GRK5: variants seen among roughly 807,000 people sequenced by gnomAD.
GRK5 encodes the protein G protein-coupled receptor kinase 5, also known as g protein-coupled receptor kinase GRK5.
Under a neutral mutation model 78.4 loss-of-function variants are expected in GRK5, and 40 were observed. The ratio of observed to expected loss-of-function variants is 0.51; its 90% CI spans 0.40 to 0.66. GRK5 has a LOEUF of 0.66. GRK5 is among the 30% of genes least tolerant of loss of function. GRK5 has a pLI of 0.00. For missense variants in GRK5, 598 were observed against 759.9 expected (o/e 0.79, Z 2.50); for synonymous variants, 289 against 296.8 (o/e 0.97, Z 0.27).
chr10:119,254,779 G>A (rs961637232), intron 1 of GRK5, among the ~76,000 whole-genome samples: 19 of 152,236 alleles, frequency 1.2e-4, no homozygotes, highest in Non-Finnish European at 2.1e-4. Context: ...AACAGGCCGG[G>A]CACGGTGGCT....
chr10:119,380,321 G>A (rs936462475), intron 2 of GRK5, among the ~76,000 whole-genome samples: 10 of 152,016 alleles, frequency 6.6e-5, no homozygotes, highest in African/African-American at 1.9e-4. Context: ...CATCCTCATC[G>A]CGGCTTTTCT....
At chr10:119,448,399 C>T (rs556645388) in intron 13 of GRK5, 139 bp downstream of exon 13, 1 of 945,616 alleles carries the variant, frequency 1.1e-6, no homozygotes, top group South Asian at 1.9e-5. Flanking sequence ...CTCCCGGCCA[C>T]TCCTCACCTA....
In GRK5 at chr10:119,267,940, C is replaced by G. The variant is rs933016970; in HGVS notation, c.53-58576C>G. Among the ~76,000 whole-genome samples the G allele has an allele frequency of 1.3e-5, 2 of 152,148 alleles. No homozygotes were observed. Among genetic ancestry groups the G allele is most frequent in the African/African-American group, 4.8e-5 (2 of 41,438 alleles). On this transcript the variant is annotated intron_variant, in intron 1 of 15. Coordinates refer to ENST00000392870, the MANE Select transcript of GRK5 (RefSeq NM_005308.3). The surrounding 1 kb of genome is among the most constrained non-coding windows in gnomAD (Gnocchi z 4.1). ...GGTCCCCTGAGGAGAAGGACAAAAGCAGACAATTCCTGAGGACAAGAGGAA... is the reference window on the plus strand; with the variant it reads ...GGTCCCCTGAGGAGAAGGACAAAAGGAGACAATTCCTGAGGACAAGAGGAA...
intron 4 of GRK5, among the ~76,000 whole-genome samples, chr10:119,405,552 T>C (rs1852223237): frequency 6.6e-6 from 1 of 152,100 alleles, no homozygotes; most frequent in Admixed American, 6.6e-5. Context: ...AATTCCCTCC[T>C]CTGGCTCCCC....
At chr10:119,265,039 C>G (rs774201119) in intron 1 of GRK5, among the ~76,000 whole-genome samples, 3 of 152,236 alleles carry the variant, frequency 2.0e-5, no homozygotes, top group African/African-American at 7.2e-5. Context: ...TTTGGACAGG[C>G]AGCAGCCTTG....
At chr10:119,248,744 C>T (rs1216381877) in intron 1 of GRK5, among the ~76,000 whole-genome samples, 4 of 151,766 alleles carry the variant, frequency 2.6e-5, no homozygotes, top group East Asian at 1.9e-4. Context: ...TATATGAAAA[C>T]GGTGTGAAAT....
Position 119,231,639 on chromosome 10 carries a change from G to A in GRK5, c.52+23670G>A, listed in dbSNP as rs538474844. Among the ~76,000 whole-genome samples, 446 of 151,356 alleles carry A rather than the reference G, an allele frequency of 2.9e-3. 3 individuals are homozygous for A. Among genetic ancestry groups the A allele is most frequent in the African/African-American group, 1.0e-2 (411 of 41,232 alleles). On this transcript the variant is annotated intron_variant, in intron 1 of 15. Coordinates refer to ENST00000392870, the MANE Select transcript of GRK5 (RefSeq NM_005308.3). The stretch of plus-strand genomic sequence containing the variant: ...GGAGAATCGCTTGAACCTGGGAGGC[G>A]GAGGTTGCAGTGAGCCGAGATCGTG...
intron 13 of GRK5, among the ~76,000 whole-genome samples, chr10:119,448,581 C>G (rs1397278549): frequency 6.6e-6 from 1 of 152,238 alleles, no homozygotes; most frequent in Non-Finnish European, 1.5e-5. Context: ...ATGCCTCCCA[C>G]CTGCCTGGGA....
intron 2 of GRK5, among the ~76,000 whole-genome samples, chr10:119,371,334 G>A (rs922943881): frequency 3.9e-5 from 6 of 152,172 alleles, no homozygotes; most frequent in East Asian, 3.8e-4. Context: ...CTGTGTCCTC[G>A]CCACCTCCTA....
At chr10:119,339,688 TTCAAGA>T (rs1200403740) in intron 2 of GRK5, among the ~76,000 whole-genome samples, 39 of 151,654 alleles carry the variant, frequency 2.6e-4, no homozygotes, top group African/African-American at 9.4e-4. Flanking sequence ...GAGCTCAGAG[TTCAAGA>T]TCAGCCTGGG....
In GRK5 at chr10:119,430,540, G is replaced by A; in HGVS notation, c.597+102G>A. On this transcript the variant is annotated intron_variant, in intron 7 of 15. Coordinates refer to ENST00000392870, the MANE Select transcript of GRK5 (RefSeq NM_005308.3). This position sits in a 1 kb window ranked among gnomAD's most constrained non-coding sequence, Gnocchi z 4.5. ...AAGGGTTGGCCCACGGGTCCCCCGG[G>A]GGCACCAGTGGCTCAATGTGGGCCC... The A allele has an allele frequency of 2.0e-6, 2 of 1,018,562 alleles. No individual in the cohort carries two copies. Among genetic ancestry groups the A allele is most frequent in the South Asian group, 3.0e-5 (2 of 67,720 alleles). The allele number at this position is 1,018,562 out of a possible 1,614,324, so 63.1% of individuals were successfully genotyped here.
chr10:119,269,008 C>T (rs1849544990), intron 1 of GRK5, among the ~76,000 whole-genome samples: 2 of 152,246 alleles, frequency 1.3e-5, no homozygotes, highest in Non-Finnish European at 2.9e-5. Flanking sequence ...TTCCCATGGG[C>T]TTCCTGTCAC....
intron 6 of GRK5, among the ~76,000 whole-genome samples, chr10:119,427,383 CCAT>C (rs1852711481): frequency 6.6e-6 from 1 of 151,774 alleles, no homozygotes; most frequent in Admixed American, 6.6e-5. Context: ...AGCATCACCA[CCAT>C]CATCAGCATC....
At chr10:119,443,403 C>G (rs1052932278) in intron 11 of GRK5, 141 bp from the exon 12 acceptor site, 10 of 695,234 alleles carry the variant, frequency 1.4e-5, no homozygotes, top group African/African-American at 1.4e-4. Context: ...GTCATCAGGG[C>G]AAGCTCCCTG....
At chr10:119,323,600 C>A (rs1850623608) in intron 1 of GRK5, among the ~76,000 whole-genome samples, 1 of 152,196 alleles carries the variant, frequency 6.6e-6, no homozygotes, top group Non-Finnish European at 1.5e-5. Flanking sequence ...GTGCTGTCCC[C>A]CGGGCAGCTG....
chr10:119,255,511 G>A (rs191109963), intron 1 of GRK5, among the ~76,000 whole-genome samples: 7 of 152,282 alleles, frequency 4.6e-5, no homozygotes, highest in Admixed American at 2.0e-4. Context: ...TTTCACTGGC[G>A]TGGACTCTTC....
chr10:119,291,094 G>A (rs1849946452), intron 1 of GRK5, among the ~76,000 whole-genome samples: 1 of 152,138 alleles, frequency 6.6e-6, no homozygotes, highest in Non-Finnish European at 1.5e-5. Flanking sequence ...TAGATTGGTA[G>A]GTGAATTTGG....
At chr10:119,345,776 C>T (rs978296599) in intron 2 of GRK5, among the ~76,000 whole-genome samples, 3 of 151,924 alleles carry the variant, frequency 2.0e-5, no homozygotes, top group African/African-American at 7.3e-5. Flanking sequence ...TGGGTAATAG[C>T]GTGTTTTCCA....
rs291980 is a variant in GRK5, at chr10:119,370,162, G to A, written c.149-10653G>A. On this transcript the variant is annotated intron_variant, in intron 2 of 15. Coordinates refer to ENST00000392870, the MANE Select transcript of GRK5 (RefSeq NM_005308.3). ...ACCCTCATCAGAGAGGCAGGGGCCC[G>A]CACAAGCACCCTTCCACCCACCCTT... 3.4e-3 allele frequency among the ~76,000 whole-genome samples: 520 copies of A among 152,146 alleles called. 3 individuals are homozygous for A. The highest frequency in any genetic ancestry group is 0.012 in the African/African-American group (494 of 41,502).
Sources: allele counts gnomAD v4.1 joint callset (sites outside exome capture counted in the v4.1 genomes callset), GRCh38; gene constraint gnomAD v4.1.1; non-coding constraint Gnocchi (gnomAD v3.1); transcripts MANE v1.5; gene names NCBI Gene and HGNC (gene_info 2026-07-23, HGNC 2026-07-21).